Variants in MAP3K2 observed in about 807,000 individuals in gnomAD.
MAP3K2 encodes the protein MAP/ERK kinase kinase 2.
In MAP3K2, 24 loss-of-function variants were observed where a neutral mutation model predicts 80.3. The observed-to-expected ratio is 0.30, with a 90% confidence interval of 0.22 to 0.42. The LOEUF is 0.42. Among genes scored for constraint, MAP3K2 ranks in the 10% least tolerant of loss-of-function variants. The pLI is 1.00. For missense variants in MAP3K2, 608 were observed against 750.1 expected (o/e 0.81, Z 2.21); for synonymous variants, 244 against 253.7 (o/e 0.96, Z 0.36).
At chr2:127,315,591 C>T (rs1685885301) in intron 14 of MAP3K2, among the ~76,000 whole-genome samples, 2 of 152,212 alleles carry the variant, frequency 1.3e-5, no homozygotes, top group Admixed American at 1.3e-4. Flanking sequence ...CTCACACCTA[C>T]AGTTCAGCAC....
rs1463188776 is a variant in MAP3K2, at chr2:127,303,301, T to C, written c.*4278A>G. ...TCACAATTTAGACCAAAATAAAGTATGTTTTCTTTAAAAGAGACACTGGGG... is the reference window on the plus strand; with the variant it reads ...TCACAATTTAGACCAAAATAAAGTACGTTTTCTTTAAAAGAGACACTGGGG... On this transcript the variant is annotated 3_prime_UTR_variant, in exon 17 of 17. Coordinates refer to ENST00000682094, the MANE Select transcript of MAP3K2 (RefSeq NM_001371910.2). 1 of 149,618 alleles carries C rather than the reference T, an allele frequency of 6.7e-6. No individual in the cohort carries two copies. The highest frequency in any genetic ancestry group is 1.5e-5 in the Non-Finnish European group (1 of 67,514). The allele number at this position is 149,618 out of a possible 1,614,324, so 9.3% of individuals were successfully genotyped here.
chr2:127,352,529 C>G (rs1249207257), intron 1 of MAP3K2, among the ~76,000 whole-genome samples: 2 of 152,176 alleles, frequency 1.3e-5, no homozygotes, highest in African/African-American at 4.8e-5. Flanking sequence ...AGAAACATCA[C>G]CTATAAACTA....
rs1265414900 is a variant in MAP3K2, at chr2:127,339,543, T to G, written c.5-493A>C. On this transcript the variant is annotated intron_variant, in intron 2 of 16. Coordinates refer to ENST00000682094, the MANE Select transcript of MAP3K2 (RefSeq NM_001371910.2). The surrounding 1 kb of genome is among the most constrained non-coding windows in gnomAD (Gnocchi z 4.2). ...AAAGAAAAGCTTCACCTGTGGATAC[T>G]GGCCTACTGTATTTGGAAATGCTCT... 6.6e-6 allele frequency among the ~76,000 whole-genome samples: 1 copy of G among 152,234 alleles called. No homozygotes were observed. Among genetic ancestry groups the G allele is most frequent in the East Asian group, 1.9e-4 (1 of 5,202 alleles).
rs1274407224 is a variant in MAP3K2, at chr2:127,305,078, C to A, written c.*2501G>T. ...TAGCATTTAGAAAAGAAAACAGAGA[C>A]TGAAAAAAAAACAGTTTTGCTCTGG... is the stretch of plus-strand genomic sequence containing the variant. On this transcript the variant is annotated 3_prime_UTR_variant, in exon 17 of 17. Coordinates refer to ENST00000682094, the MANE Select transcript of MAP3K2 (RefSeq NM_001371910.2). 6.6e-6 allele frequency: 1 copy of A among 151,516 alleles called. No homozygotes were observed. Among genetic ancestry groups the A allele is most frequent in the Non-Finnish European group, 1.5e-5 (1 of 67,762 alleles). The allele number at this position is 151,516 out of a possible 1,614,324, so 9.4% of individuals were successfully genotyped here.
In MAP3K2 at chr2:127,307,527, G is replaced by A; in HGVS notation, c.*52C>T. ...AAAAGAAAAGTGCAGTCAGAGAGAA[G>A]GTGAATGAATAGATGGGAGCTAGGT... On this transcript the variant is annotated 3_prime_UTR_variant, in exon 17 of 17. Transcript: ENST00000682094. This position sits in a 1 kb window ranked among gnomAD's most constrained non-coding sequence, Gnocchi z 5.4. 8.5e-7 allele frequency: 1 copy of A among 1,183,312 alleles called. No individual in the cohort carries two copies. The highest frequency in any genetic ancestry group is 2.6e-5 in the East Asian group (1 of 38,036). 73.3% of individuals were successfully genotyped at this position (1,183,312 alleles called of 1,614,324 possible).
At chr2:127,375,070 T>C (rs566836366) in intron 1 of MAP3K2, among the ~76,000 whole-genome samples, 1 of 152,324 alleles carries the variant, frequency 6.6e-6, no homozygotes. Flanking sequence ...TGCAGTTTTA[T>C]GGAAAGACGT....
Position 127,305,798 on chromosome 2 carries a change from G to A in MAP3K2, c.*1781C>T, listed in dbSNP as rs185241373. On this transcript the variant is annotated 3_prime_UTR_variant, in exon 17 of 17. Coordinates refer to ENST00000682094, the MANE Select transcript of MAP3K2 (RefSeq NM_001371910.2). The stretch of plus-strand genomic sequence containing the variant: ...GTTTTATAGTAGCACAATTCTATTA[G>A]AGATAGTGGGGCCTTTCCCAGCTGT... The A allele has an allele frequency of 3.9e-5, 6 of 152,214 alleles. No individual in the cohort carries two copies. The East Asian group carries it at 1.2e-3, about 29-fold the overall frequency. 9.4% of individuals were successfully genotyped at this position (152,214 alleles called of 1,614,324 possible).
intron 1 of MAP3K2, among the ~76,000 whole-genome samples, chr2:127,361,348 TAA>T (rs758653126): frequency 5.3e-5 from 8 of 151,042 alleles, no homozygotes; most frequent in Non-Finnish European, 1.2e-4. Flanking sequence ...AAAGGGAATT[TAA>T]AAAGTGTTCT....
At chr2:127,334,469 C>G (rs894299206) in intron 5 of MAP3K2, among the ~76,000 whole-genome samples, 1 of 152,182 alleles carries the variant, frequency 6.6e-6, no homozygotes, top group African/African-American at 2.4e-5. Flanking sequence ...ACAGCTCTGT[C>G]ACACAGGCTG....
intron 7 of MAP3K2, 65 bp from the exon 8 acceptor site, chr2:127,326,882 G>C (rs1686151456): frequency 9.6e-7 from 1 of 1,038,014 alleles, no homozygotes; most frequent in Non-Finnish European, 1.3e-6. Flanking sequence ...GTTTTAAATA[G>C]GCTATATTTC....
At chr2:127,362,009 A>C (rs1686901265) in intron 1 of MAP3K2, among the ~76,000 whole-genome samples, 1 of 152,226 alleles carries the variant, frequency 6.6e-6, no homozygotes, top group African/African-American at 2.4e-5. Context: ...TCAGTGTTAA[A>C]GGCAATATTC....
chr2:127,337,572 T>G (rs1686398284), intron 4 of MAP3K2, among the ~76,000 whole-genome samples, 166 bp downstream of exon 4: 1 of 152,244 alleles, frequency 6.6e-6, no homozygotes, highest in Admixed American at 6.5e-5. Context: ...TTGACATATT[T>G]TATCTATCTT....
chr2:127,348,387 C>T (rs940652538), intron 1 of MAP3K2, among the ~76,000 whole-genome samples: 1 of 151,940 alleles, frequency 6.6e-6, no homozygotes, highest in East Asian at 1.9e-4. Context: ...GACTTCATCT[C>T]CAATAAATAA....
intron 7 of MAP3K2, among the ~76,000 whole-genome samples, chr2:127,327,509 C>G (rs1413827010): frequency 6.6e-6 from 1 of 150,922 alleles, no homozygotes; most frequent in African/African-American, 2.4e-5. Flanking sequence ...TTATTCCTTC[C>G]ATATACCCGT....
At chr2:127,368,857 C>T (rs955786901) in intron 1 of MAP3K2, among the ~76,000 whole-genome samples, 16 of 151,802 alleles carry the variant, frequency 1.1e-4, no homozygotes, top group African/African-American at 3.4e-4. Context: ...ACAAACCTCC[C>T]GCCTCAGCCT....
chr2:127,331,015 A>G (rs1160745485), intron 5 of MAP3K2, among the ~76,000 whole-genome samples: 3 of 152,142 alleles, frequency 2.0e-5, no homozygotes, highest in Non-Finnish European at 4.4e-5. Context: ...CACTAGTAAC[A>G]TATCTGCAAT....
At chr2:127,352,782 T>C (rs1184375004) in intron 1 of MAP3K2, among the ~76,000 whole-genome samples, 1 of 151,360 alleles carries the variant, frequency 6.6e-6, no homozygotes, top group African/African-American at 2.4e-5. Flanking sequence ...CCATCTCGGC[T>C]CACTGCAACC....
intron 1 of MAP3K2, among the ~76,000 whole-genome samples, chr2:127,365,342 G>C (rs1686954851): frequency 6.6e-6 from 1 of 151,908 alleles, no homozygotes; most frequent in Admixed American, 6.6e-5. Flanking sequence ...CATCACTATG[G>C]ACTCCCACAA....
At chr2:127,374,042 T>C (rs1026207889) in intron 1 of MAP3K2, among the ~76,000 whole-genome samples, 10 of 152,210 alleles carry the variant, frequency 6.6e-5, no homozygotes, top group African/African-American at 2.4e-4. Context: ...TAACATTGTT[T>C]ACTAATGGCT....
Sources: allele counts gnomAD v4.1 joint callset (sites outside exome capture counted in the v4.1 genomes callset), GRCh38; gene constraint gnomAD v4.1.1; non-coding constraint Gnocchi (gnomAD v3.1); transcripts MANE v1.5; gene names NCBI Gene and HGNC (gene_info 2026-07-23, HGNC 2026-07-21).